Variants in DPH7 observed in about 807,000 individuals in gnomAD.
DPH7 encodes diphthamide biosynthesis 7.
Under a neutral mutation model 41.7 loss-of-function variants are expected in DPH7, and 44 were observed. The observed-to-expected ratio is 1.05, with a 90% CI of 0.83 to 1.36. The LOEUF (loss-of-function observed/expected upper bound fraction) is 1.36, where lower values mean the gene tolerates loss of function less well. Ranked by LOEUF, DPH7 falls within the 40% of genes most tolerant of loss-of-function variation. The pLI is 0.00. For synonymous variants in DPH7, 275 were observed against 238.0 expected (o/e 1.16, Z -1.43); for missense variants, 629 against 577.5 (o/e 1.09, Z -0.91).
chr9:137,574,775 A>G lies in DPH7; in HGVS notation c.444T>C (p.Asp148=). 1 of 1,614,036 alleles carries G rather than the reference A, an allele frequency of 6.2e-7. No individual in the cohort carries two copies. Among genetic ancestry groups the G allele is most frequent in the Non-Finnish European group, 8.5e-7 (1 of 1,180,006 alleles). The change falls in exon 4 of 9, where the codon GAT becomes GAC. Residue 148 remains aspartate (D), a synonymous_variant. Coordinates refer to ENST00000277540, the MANE Select transcript of DPH7 (RefSeq NM_138778.5). ...ACCTTCCAGTTTTCCCAGTGGACCA[A>G]TCTAGGGACAAAGCCAGACACTGCT... The part of the protein sequence containing the change: ...LEEQCLALSL[D]WSTGKTGRAG...
At chr9:137,578,017 C>T (rs984922059) in intron 1 of DPH7, 1 of 985,316 alleles carries the variant, frequency 1.0e-6, no homozygotes, top group African/African-American at 1.7e-5. Context: ...AGACGTTCTG[C>T]TCTCAAGATT....
At chr9:137,559,042 A>T (rs1776774) in intron 8 of DPH7, among the ~76,000 whole-genome samples, 66,380 of 152,116 alleles carry the variant, frequency 0.44, 16,829 homozygotes, top group African/African-American at 0.7. Flanking sequence ...TGTTCCAGTA[A>T]AATAAAATAT....
chr9:137,573,842 C>A (rs756074629), intron 5 of DPH7, among the ~76,000 whole-genome samples: 5 of 151,828 alleles, frequency 3.3e-5, no homozygotes, highest in South Asian at 2.1e-4. Flanking sequence ...CTGAGGTGGG[C>A]GCATCATGAG....
At chr9:137,568,803 C>T (rs1025014113) in intron 5 of DPH7, among the ~76,000 whole-genome samples, 6 of 152,134 alleles carry the variant, frequency 3.9e-5, no homozygotes, top group Non-Finnish European at 2.9e-5. Context: ...CCATCAGGTG[C>T]AGGCGACCAT....
At chr9:137,559,816 A>G (rs1176980955) in intron 8 of DPH7, among the ~76,000 whole-genome samples, 2 of 152,180 alleles carry the variant, frequency 1.3e-5, no homozygotes, top group Non-Finnish European at 2.9e-5. Context: ...TCCAATAAAT[A>G]ACAGTGCAGC....
chr9:137,561,542 C>CAAAAAAAAAA (rs557915176), intron 8 of DPH7, among the ~76,000 whole-genome samples: 1 of 52,254 alleles, frequency 1.9e-5, no homozygotes, highest in Non-Finnish European at 3.5e-5. Context: ...GACTCCATCT[C>CAAAAAAAAAA]AAAAAAAAAA....
intron 8 of DPH7, among the ~76,000 whole-genome samples, chr9:137,562,320 A>C (rs528381712): frequency 6.6e-6 from 1 of 152,358 alleles, no homozygotes; most frequent in South Asian, 2.1e-4. Context: ...TCCCCAGCAG[A>C]GACCACACTC....
rs1046060159 is a variant in DPH7, at chr9:137,556,060, C to T, written c.950-412G>A. On this transcript the variant is annotated intron_variant, in intron 8 of 8. Coordinates refer to ENST00000277540, the MANE Select transcript of DPH7 (RefSeq NM_138778.5). The surrounding 1 kb of genome is among the most constrained non-coding windows in gnomAD (Gnocchi z 5.2). Reference sequence around the variant, plus strand: ...GAGGTGAGAAAGTCCAAGGCTCGCACGGGGAACCACAAACAGGCAGCCATG... The same window carrying T: ...GAGGTGAGAAAGTCCAAGGCTCGCATGGGGAACCACAAACAGGCAGCCATG... 2.0e-5 allele frequency among the ~76,000 whole-genome samples: 3 copies of T among 152,154 alleles called. No homozygotes were observed. Among genetic ancestry groups the T allele is most frequent in the South Asian group, 2.1e-4 (1 of 4,826 alleles).
intron 8 of DPH7, among the ~76,000 whole-genome samples, chr9:137,563,563 C>T (rs113256242): frequency 5.1e-4 from 77 of 150,580 alleles, no homozygotes; most frequent in African/African-American, 1.7e-3. Context: ...GAATACCATG[C>T]GGAAATCGAG....
chr9:137,565,023 C>G, intron 6 of DPH7, 62 bp downstream of exon 6: 1 of 1,610,834 alleles, frequency 6.2e-7, no homozygotes, highest in South Asian at 1.1e-5. Flanking sequence ...AACGGGAGGG[C>G]TGGTGACCCA....
At chr9:137,558,131 G>A (rs1035857117) in intron 8 of DPH7, among the ~76,000 whole-genome samples, 45 of 152,030 alleles carry the variant, frequency 3.0e-4, no homozygotes, top group Admixed American at 2.5e-3. Context: ...GCAAGACTCC[G>A]TCTCAAAAAA....
chr9:137,558,008 C>T (rs1837820357), intron 8 of DPH7, among the ~76,000 whole-genome samples: 1 of 152,106 alleles, frequency 6.6e-6, no homozygotes. Context: ...TGGTGGCACA[C>T]ACCTGTAATC....
At chr9:137,572,019 T>C (rs1224955165) in intron 5 of DPH7, among the ~76,000 whole-genome samples, 1 of 152,126 alleles carries the variant, frequency 6.6e-6, no homozygotes, top group Non-Finnish European at 1.5e-5. Flanking sequence ...ATGAGATCTT[T>C]ATGGCTCTCA....
chr9:137,578,562 G>A lies in DPH7; in HGVS notation c.153+63C>T, dbSNP rs1471111978. 2.9e-6 allele frequency: 4 copies of A among 1,398,092 alleles called. No homozygotes were observed. In the African/African-American group the frequency reaches 6.1e-5, roughly 21 times the overall value. The allele number at this position is 1,398,092 out of a possible 1,614,324, so 86.6% of individuals were successfully genotyped here. ...CTTCATCTCCTGGGCGATTCGGTGCGCCTTTCGGCCTCAACCTCGTGGCCG... is the reference window on the plus strand; with the variant it reads ...CTTCATCTCCTGGGCGATTCGGTGCACCTTTCGGCCTCAACCTCGTGGCCG... On this transcript the variant is annotated intron_variant, in intron 1 of 8. Coordinates refer to ENST00000277540, the MANE Select transcript of DPH7 (RefSeq NM_138778.5).
At chr9:137,578,585 C>A (rs2133260352) in intron 1 of DPH7, 40 bp downstream of exon 1, 1 of 1,433,258 alleles carries the variant, frequency 7.0e-7, no homozygotes. Context: ...AACCTCGTGG[C>A]CGGCCCCGCC....
intron 8 of DPH7, among the ~76,000 whole-genome samples, chr9:137,560,862 A>AG (rs1245010993): frequency 6.7e-6 from 1 of 148,786 alleles, no homozygotes; most frequent in East Asian, 2.0e-4. Context: ...TCTCAAAAAA[A>AG]AAAAAAAAAA....
chr9:137,557,818 C>CA (rs1051079953), intron 8 of DPH7, among the ~76,000 whole-genome samples: 4 of 151,526 alleles, frequency 2.6e-5, no homozygotes, highest in African/African-American at 9.7e-5. Context: ...GACTCTGTCT[C>CA]AAAAAAATAC....
At chr9:137,569,267 G>A (rs865889930) in intron 5 of DPH7, among the ~76,000 whole-genome samples, 8 of 51,486 alleles carry the variant, frequency 1.6e-4, no homozygotes, top group Non-Finnish European at 2.8e-4. Context: ...TCCACCCCCC[G>A]ACCTCACCCT....
chr9:137,564,841 C>A, intron 7 of DPH7, 52 bp downstream of exon 7: 2 of 1,556,868 alleles, frequency 1.3e-6, no homozygotes, highest in South Asian at 2.3e-5. Flanking sequence ...CAGGAGCCCC[C>A]CGGGGACAGC....
Sources: gnomAD v4.1 joint callset for allele counts (sites outside exome capture counted in the v4.1 genomes callset) on GRCh38, gnomAD v4.1.1 for gene constraint, Gnocchi (gnomAD v3.1) non-coding constraint, MANE v1.5 for transcripts, NCBI Gene and HGNC (gene_info 2026-07-23, HGNC 2026-07-21) for gene names.